Variants in UIMC1 observed in about 807,000 individuals in gnomAD.
UIMC1 encodes the protein BRCA1-A complex subunit RAP80.
UIMC1 carries 42 observed loss-of-function variants against 84.9 expected under a neutral mutation model. The ratio of observed to expected loss-of-function variants is 0.49; its 90% CI spans 0.39 to 0.64. The LOEUF (loss-of-function observed/expected upper bound fraction) is 0.64, where lower values mean the gene tolerates loss of function less well. Ranked by LOEUF, UIMC1 falls within the 30% of genes least tolerant of loss-of-function variation. The pLI is 0.00. For missense variants in UIMC1, 825 were observed against 847.6 expected, an observed-to-expected ratio of 0.97 and a Z score of 0.33; for synonymous variants, 281 against 293.0, an observed-to-expected ratio of 0.96 and a Z score of 0.42.
intron 10 of UIMC1, among the ~76,000 whole-genome samples, chr5:176,940,275 G>A (rs962309863): frequency 3.3e-5 from 5 of 152,128 alleles, no homozygotes; most frequent in Non-Finnish European, 5.9e-5. Context: ...AGTTATAAAT[G>A]CCAAAGCTTC....
intron 1 of UIMC1, among the ~76,000 whole-genome samples, chr5:176,984,791 C>T (rs1277991168): frequency 6.6e-6 from 1 of 152,174 alleles, no homozygotes; most frequent in African/African-American, 2.4e-5. Flanking sequence ...TATAACCTTA[C>T]CCCCAACCCC....
At chr5:176,957,487 A>C (rs1766749116) in intron 7 of UIMC1, among the ~76,000 whole-genome samples, 1 of 152,240 alleles carries the variant, frequency 6.6e-6, no homozygotes, top group Non-Finnish European at 1.5e-5. Context: ...TCAATCAATC[A>C]GCAAGAACAA....
chr5:176,992,326 T>C (rs538757841), intron 1 of UIMC1, among the ~76,000 whole-genome samples: 3 of 152,144 alleles, frequency 2.0e-5, no homozygotes, highest in South Asian at 4.1e-4. Flanking sequence ...CAAAAGAGTG[T>C]AGAACTATCA....
intron 7 of UIMC1, among the ~76,000 whole-genome samples, chr5:176,957,714 G>A (rs530856708): frequency 1.1e-4 from 16 of 152,210 alleles, no homozygotes; most frequent in Non-Finnish European, 1.3e-4. Context: ...GGGGAAAAGA[G>A]AGAAAGGGGC....
At chr5:176,934,777 C>T (rs1763531090) in intron 10 of UIMC1, among the ~76,000 whole-genome samples, 1 of 152,210 alleles carries the variant, frequency 6.6e-6, no homozygotes, top group African/African-American at 2.4e-5. Context: ...CTATCAGAGT[C>T]TTCCTCTAGA....
chr5:176,953,530 A>ACACACACACACACACACACC (rs1486168664), intron 8 of UIMC1, among the ~76,000 whole-genome samples: 12 of 151,196 alleles, frequency 7.9e-5, no homozygotes, highest in African/African-American at 2.4e-4. Context: ...ACACACACAC[A>ACACACACACACACACACACC]CCTTATTGGA....
Position 176,911,309 on chromosome 5 carries a change from A to G in UIMC1, c.1676+2T>C. On this transcript the variant is annotated splice_donor_variant, in intron 11 of 14. Transcript: ENST00000511320. LOFTEE classifies it high-confidence loss of function. ...CTCCGTGAATGCAGCATACCTACTT[A>G]CTTGTCAATGTCTAGAGAAGTCTGG... is the stretch of plus-strand genomic sequence containing the variant. 1 of 1,593,756 alleles carries G rather than the reference A, an allele frequency of 6.3e-7. No individual in the cohort carries two copies. Among genetic ancestry groups the G allele is most frequent in the South Asian group, 1.2e-5 (1 of 86,948 alleles).
intron 9 of UIMC1, among the ~76,000 whole-genome samples, chr5:176,947,837 T>C (rs1765336134): frequency 6.6e-6 from 1 of 150,926 alleles, no homozygotes; most frequent in Non-Finnish European, 1.5e-5. Context: ...AAAAAAATTA[T>C]ACAACTATTT....
At chr5:176,987,393 C>T (rs1772185439) in intron 1 of UIMC1, among the ~76,000 whole-genome samples, 2 of 152,146 alleles carry the variant, frequency 1.3e-5, no homozygotes, top group South Asian at 4.1e-4. Context: ...TGTTTATAAT[C>T]CCAGCACTTT....
intron 1 of UIMC1, among the ~76,000 whole-genome samples, chr5:177,019,198 T>C (rs1162940497): frequency 6.6e-6 from 1 of 152,258 alleles, no homozygotes; most frequent in Non-Finnish European, 1.5e-5. Flanking sequence ...TGTTCAAGCA[T>C]GGGCTCGTAC....
intron 10 of UIMC1, among the ~76,000 whole-genome samples, chr5:176,932,922 T>C (rs2149426808): frequency 6.6e-6 from 1 of 151,246 alleles, no homozygotes; most frequent in East Asian, 1.9e-4. Context: ...TTCTTTATCC[T>C]TTCTACTTGC....
intron 9 of UIMC1, 118 bp from the exon 10 acceptor site, chr5:176,943,606 T>C: frequency 7.8e-7 from 1 of 1,282,754 alleles, no homozygotes; most frequent in Non-Finnish European, 1.1e-6. Flanking sequence ...CAACAGCTTA[T>C]CAAATTCAGG....
chr5:176,924,318 C>CA (rs564554471), intron 10 of UIMC1, among the ~76,000 whole-genome samples: 14,046 of 139,828 alleles, frequency 0.1, 1,377 homozygotes, highest in African/African-American at 0.26. Context: ...GAATTCGTCT[C>CA]AAAAAAAAAA....
chr5:177,007,864 G>C (rs919100783), upstream of UIMC1, among the ~76,000 whole-genome samples: 4 of 152,062 alleles, frequency 2.6e-5, no homozygotes, highest in Admixed American at 6.6e-5. Context: ...CAGCACTTTG[G>C]GGGGCCAAGG....
intron 10 of UIMC1, among the ~76,000 whole-genome samples, chr5:176,937,763 G>A (rs193120560): frequency 5.9e-5 from 9 of 152,284 alleles, no homozygotes; most frequent in East Asian, 1.9e-4. Flanking sequence ...AACCAAGCAC[G>A]TCTAGGATCC....
At chr5:176,930,725 A>G (rs1427227026) in intron 10 of UIMC1, among the ~76,000 whole-genome samples, 1 of 152,210 alleles carries the variant, frequency 6.6e-6, no homozygotes, top group Non-Finnish European at 1.5e-5. Context: ...CAGTCTATGC[A>G]TGGTCAATCT....
At chr5:176,917,920 T>A (rs551015570) in intron 10 of UIMC1, among the ~76,000 whole-genome samples, 1 of 152,112 alleles carries the variant, frequency 6.6e-6, no homozygotes, top group Non-Finnish European at 1.5e-5. Context: ...GATCATGTCA[T>A]TGCACTCCAG....
At chr5:176,995,899 G>C (rs1773546560) in intron 1 of UIMC1, among the ~76,000 whole-genome samples, 1 of 148,522 alleles carries the variant, frequency 6.7e-6, no homozygotes, top group Admixed American at 6.7e-5. Flanking sequence ...TTGGAAAACA[G>C]TTTGGGAGTT....
chr5:176,990,102 A>G (rs1015878124), intron 1 of UIMC1, among the ~76,000 whole-genome samples: 6 of 151,080 alleles, frequency 4.0e-5, no homozygotes, highest in Non-Finnish European at 5.9e-5. Flanking sequence ...AATGGCGTGA[A>G]CCCGGGAGGT....
Sources: gnomAD v4.1 joint callset for allele counts (sites outside exome capture counted in the v4.1 genomes callset) on GRCh38, gnomAD v4.1.1 for gene constraint, MANE v1.5 for transcripts, NCBI Gene and HGNC (gene_info 2026-07-23, HGNC 2026-07-21) for gene names.